Variants in SGCD observed in about 807,000 individuals in gnomAD.
The protein encoded by SGCD is sarcoglycan delta, also known as delta-sarcoglycan.
SGCD carries 18 observed loss-of-function variants against 36.6 expected under a neutral mutation model. That is an observed-to-expected ratio of 0.49 (90% CI 0.34 to 0.73). The LOEUF (loss-of-function observed/expected upper bound fraction) is 0.73, where lower values mean the gene tolerates loss of function less well. Among genes scored for constraint, SGCD ranks in the 30% least tolerant of loss-of-function variants. The pLI, the probability that SGCD is intolerant of heterozygous loss-of-function variation, is 0.01. For missense variants in SGCD, 387 were observed against 346.7 expected (o/e 1.12, Z -0.92); for synonymous variants, 133 against 130.6 (o/e 1.02, Z -0.12).
intron 1 of SGCD, among the ~76,000 whole-genome samples, chr5:156,327,622 G>A (rs577857074): frequency 9.2e-5 from 14 of 152,262 alleles, no homozygotes; most frequent in African/African-American, 2.6e-4. Flanking sequence ...GCTTCACTTC[G>A]CAAGAGTTTT....
At chr5:156,050,640 G>T (rs998999) in intron 1 of SGCD, among the ~76,000 whole-genome samples, 10,527 of 146,096 alleles carry the variant, frequency 0.072, 1,694 homozygotes, top group African/African-American at 0.24. Flanking sequence ...CAAATGCAGT[G>T]GCTTAAAACA....
At chr5:156,355,552 G>T (rs1769452916) in intron 3 of SGCD, among the ~76,000 whole-genome samples, 1 of 152,172 alleles carries the variant, frequency 6.6e-6, no homozygotes, top group Non-Finnish European at 1.5e-5. Flanking sequence ...GGAAGGAGTT[G>T]CAGGGACTGT....
At chr5:155,876,300 C>A (rs1283022352) in intron 1 of SGCD, among the ~76,000 whole-genome samples, 1 of 148,398 alleles carries the variant, frequency 6.7e-6, no homozygotes, top group Non-Finnish European at 1.5e-5. Flanking sequence ...TAGATAAGAG[C>A]CTTCTTTATC....
chr5:155,750,635 A>G, the SGCD span, among the ~76,000 whole-genome samples: 1 of 152,250 alleles, frequency 6.6e-6, no homozygotes, highest in African/African-American at 2.4e-5. Context: ...TTTCTAAAAC[A>G]TGCCATGCTT....
Position 155,973,309 on chromosome 5 carries a change from T to G in SGCD, c.-282+102885T>G, listed in dbSNP as rs902979743. On this transcript the variant is annotated intron_variant, in intron 1 of 9. Transcript: ENST00000517913. ...TTTCTCATTTTCTAACCATTTAAAATTAGTCCTGAAAGATGAATGACTCAT... is the reference window on the plus strand; with the variant it reads ...TTTCTCATTTTCTAACCATTTAAAAGTAGTCCTGAAAGATGAATGACTCAT... Among the ~76,000 whole-genome samples the G allele has an allele frequency of 5.9e-5, 9 of 152,316 alleles. No homozygotes were observed. In the East Asian group the frequency reaches 1.7e-3, roughly 29 times the overall value.
intron 3 of SGCD, among the ~76,000 whole-genome samples, chr5:156,499,249 G>A (rs191164052): frequency 5.9e-5 from 9 of 152,216 alleles, no homozygotes; most frequent in East Asian, 1.9e-4. Context: ...TGTCTAACGC[G>A]TATGGAAATG....
chr5:156,524,111 T>TATATAC (rs1757537575), intron 4 of SGCD, among the ~76,000 whole-genome samples: 1 of 28,858 alleles, frequency 3.5e-5, no homozygotes, highest in Admixed American at 3.8e-4. Context: ...TATATATATA[T>TATATAC]ATATATATAT....
the SGCD span, among the ~76,000 whole-genome samples, chr5:155,801,833 T>C: frequency 3.3e-5 from 5 of 152,204 alleles, no homozygotes; most frequent in Non-Finnish European, 7.4e-5. Flanking sequence ...TGTGCACCAC[T>C]GGACAGGTGG....
At position 156,153,713 on chromosome 5, in the gene SGCD, G is replaced by A. The variant is rs1229733232; in HGVS notation, c.-44+29694G>A. ...AGAAATAGTGTTTGTCAGATCTGGG[G>A]GAAGACTCTAGGGTGATGGTCCTTG... On this transcript the variant is annotated intron_variant, in intron 3 of 9. Coordinates refer to the SGCD transcript ENST00000517913. Among the ~76,000 whole-genome samples the A allele has an allele frequency of 3.3e-5, 5 of 151,522 alleles. No homozygotes were observed. In the East Asian group the frequency reaches 9.6e-4, roughly 29 times the overall value.
At chr5:156,250,415 T>A (rs1158970858) in intron 3 of SGCD, among the ~76,000 whole-genome samples, 1 of 152,122 alleles carries the variant, frequency 6.6e-6, no homozygotes, top group Admixed American at 6.5e-5. Flanking sequence ...TGTTTAAAAC[T>A]CCAAATAATT....
chr5:156,362,481 A>G (rs1273867473), intron 3 of SGCD, among the ~76,000 whole-genome samples: 1 of 152,138 alleles, frequency 6.6e-6, no homozygotes, highest in African/African-American at 2.4e-5. Context: ...CCCCATCTCT[A>G]CTAAAATTAT....
chr5:155,901,164 T>C (rs1434764943), intron 1 of SGCD, among the ~76,000 whole-genome samples: 1 of 151,588 alleles, frequency 6.6e-6, no homozygotes, highest in Non-Finnish European at 1.5e-5. Context: ...TACAAAAAAT[T>C]AGCCGGCGGT....
chr5:155,802,033 CTTG>C, the SGCD span, among the ~76,000 whole-genome samples: 1 of 152,154 alleles, frequency 6.6e-6, no homozygotes, highest in Non-Finnish European at 1.5e-5. Flanking sequence ...ACTACATGAC[CTTG>C]TTTCCCCAGC....
the SGCD span, among the ~76,000 whole-genome samples, chr5:155,858,790 G>C: frequency 8.5e-5 from 13 of 152,082 alleles, no homozygotes; most frequent in Non-Finnish European, 8.8e-5. Flanking sequence ...GTATCACCTG[G>C]GAGCTTCTTA....
At chr5:156,382,268 A>T (rs887325577) in intron 3 of SGCD, among the ~76,000 whole-genome samples, 2 of 152,076 alleles carry the variant, frequency 1.3e-5, no homozygotes, top group Non-Finnish European at 2.9e-5. Context: ...TCTGCCCTAA[A>T]CACTCCCCTG....
chr5:156,430,025 G>C (rs967845881), intron 3 of SGCD, among the ~76,000 whole-genome samples: 1 of 152,118 alleles, frequency 6.6e-6, no homozygotes, highest in Admixed American at 6.6e-5. Flanking sequence ...CTTTTGTGAT[G>C]AATTTCCCAA....
At chr5:155,913,143 A>G (rs1756665210) in intron 1 of SGCD, among the ~76,000 whole-genome samples, 1 of 152,156 alleles carries the variant, frequency 6.6e-6, no homozygotes, top group African/African-American at 2.4e-5. Context: ...TTCTCAACTC[A>G]AGGAGGCTTA....
chr5:156,167,372 T>A (rs1763237947), intron 3 of SGCD, among the ~76,000 whole-genome samples: 1 of 152,088 alleles, frequency 6.6e-6, no homozygotes. Flanking sequence ...CATAACTGTG[T>A]TTGTCTTCTC....
chr5:156,757,939 A>T (rs1398264569), intron 8 of SGCD: 5 of 1,283,944 alleles, frequency 3.9e-6, no homozygotes, highest in Non-Finnish European at 5.0e-6. Context: ...TTCCAAGTAC[A>T]GAATTATATG....
Sources: gnomAD v4.1 joint callset for allele counts (sites outside exome capture counted in the v4.1 genomes callset) on GRCh38, gnomAD v4.1.1 for gene constraint, MANE v1.5 for transcripts, NCBI Gene and HGNC (gene_info 2026-07-23, HGNC 2026-07-21) for gene names.